Variants in HRH3 observed in about 807,000 individuals in gnomAD.
HRH3 encodes the protein histamine H3 receptor.
In HRH3, 13 loss-of-function variants were observed where a neutral mutation model predicts 21.6. The ratio of observed to expected loss-of-function variants is 0.60; its 90% CI spans 0.39 to 0.96. HRH3 has a LOEUF of 0.96. Among genes scored for constraint, HRH3 ranks in the 40% least tolerant of loss-of-function variants. HRH3 has a pLI of 0.00. For missense variants in HRH3, 461 were observed against 622.7 expected (o/e 0.74, Z 2.76); for synonymous variants, 276 against 290.3 (o/e 0.95, Z 0.50).
chr20:62,215,643 G>A lies in HRH3; in HGVS notation c.*363C>T. 5 of 394,298 alleles carry A rather than the reference G, an allele frequency of 1.3e-5. No individual in the cohort carries two copies. The highest frequency in any genetic ancestry group is 1.1e-4 in the South Asian group (5 of 47,330). The allele number at this position is 394,298 out of a possible 1,614,324, so 24.4% of individuals were successfully genotyped here. ...GCACGTGCAGAGGCAAACTGCTAGG[G>A]CAGGAAGCCTGGAGCACACCCAGGT... On this transcript the variant is annotated 3_prime_UTR_variant, in exon 3 of 3. Transcript: ENST00000340177.
Position 62,218,621 on chromosome 20 carries a change from A to C in HRH3, c.287T>G (p.Leu96Arg). The C allele has an allele frequency of 6.2e-7, 1 of 1,612,362 alleles. No individual in the cohort carries two copies. The highest frequency in any genetic ancestry group is 8.5e-7 in the Non-Finnish European group (1 of 1,179,904). The part of the protein sequence containing the change: ...FCIPLYVPYV[L>R]TGRWTFGRGL... ...CCGGCCGAAGGTCCAGCGGCCTGTC[A>C]GCACGTAGGGTACATACAGTGGGAT... The change falls in exon 2 of 3, where the codon CTG becomes CGG. Residue 96 changes from leucine to arginine, a missense_variant. Transcript: ENST00000340177. The surrounding 1 kb of genome is among the most constrained non-coding windows in gnomAD (Gnocchi z 5.6).
At position 62,215,769 on chromosome 20, in the gene HRH3, G is replaced by A. The variant is rs1978509053; in HGVS notation, c.*237C>T. 1.8e-6 allele frequency: 1 copy of A among 568,510 alleles called. No individual in the cohort carries two copies. The highest frequency in any genetic ancestry group is 2.2e-5 in the South Asian group (1 of 46,000). 35.2% of individuals were successfully genotyped at this position (568,510 alleles called of 1,614,324 possible). A position where few individuals can be genotyped will look rare whatever the true frequency, so the allele number is the denominator to read the frequency against. Reference sequence around the variant, plus strand: ...CCTCCAGACTGTCCCTCCCGGTGGAGCCAGAATGTGGGGGGCAGGGCCGGC... The same window carrying A: ...CCTCCAGACTGTCCCTCCCGGTGGAACCAGAATGTGGGGGGCAGGGCCGGC... On this transcript the variant is annotated 3_prime_UTR_variant, in exon 3 of 3. Coordinates refer to ENST00000340177, the MANE Select transcript of HRH3 (RefSeq NM_007232.3).
At position 62,219,684 on chromosome 20, in the gene HRH3, C is replaced by A. The variant is rs767376497; in HGVS notation, c.250+37G>T. On this transcript the variant is annotated intron_variant, in intron 1 of 2. Transcript: ENST00000340177. This position sits in a 1 kb window ranked among gnomAD's most constrained non-coding sequence, Gnocchi z 8.7. The stretch of plus-strand genomic sequence containing the variant: ...CCCGCTGGCCCGGCCACGCTGGGCG[C>A]CCCTGGGTCCCCAGCGGCCAGGGGC... The A allele has an allele frequency of 6.3e-7, 1 of 1,575,692 alleles. No individual in the cohort carries two copies. Among genetic ancestry groups the A allele is most frequent in the Non-Finnish European group, 8.6e-7 (1 of 1,160,438 alleles).
Position 62,218,429 on chromosome 20 carries a change from C to G in HRH3, c.417+62G>C. 1 of 1,555,018 alleles carries G rather than the reference C, an allele frequency of 6.4e-7. No individual in the cohort carries two copies. The highest frequency in any genetic ancestry group is 1.2e-5 in the South Asian group (1 of 86,394). ...GAAGTGGCCGTCCCCACCCAGGTGCCTCCCATGGGCGTCCCGACTGTCCCT... is the reference window on the plus strand; with the variant it reads ...GAAGTGGCCGTCCCCACCCAGGTGCGTCCCATGGGCGTCCCGACTGTCCCT... On this transcript the variant is annotated intron_variant, in intron 2 of 2. Coordinates refer to ENST00000340177, the MANE Select transcript of HRH3 (RefSeq NM_007232.3). This position sits in a 1 kb window ranked among gnomAD's most constrained non-coding sequence, Gnocchi z 5.6.
rs1425444782 is a variant in HRH3 at position 62,219,487 on chromosome 20, G to A, written c.250+234C>T. 1.3e-5 allele frequency among the ~76,000 whole-genome samples: 2 copies of A among 152,138 alleles called. No individual in the cohort carries two copies. Among genetic ancestry groups the A allele is most frequent in the African/African-American group, 2.4e-5 (1 of 41,438 alleles). ...GCCTTTGCGCCTTGCGCCTCGCCCA[G>A]TGCCCGTGTCCCTTCCCGGGGACAT... On this transcript the variant is annotated intron_variant, in intron 1 of 2. Transcript: ENST00000340177. This position sits in a 1 kb window ranked among gnomAD's most constrained non-coding sequence, Gnocchi z 8.7.
Position 62,215,667 on chromosome 20 carries a change from G to A in HRH3, c.*339C>T, listed in dbSNP as rs1027348443. ...GGCAGGAAGCCTGGAGCACACCCAG[G>A]TGCTTGCTTTGGGAAGAACACCAAC... On this transcript the variant is annotated 3_prime_UTR_variant, in exon 3 of 3. Coordinates refer to ENST00000340177, the MANE Select transcript of HRH3 (RefSeq NM_007232.3). 2 of 417,470 alleles carry A rather than the reference G, an allele frequency of 4.8e-6. No individual in the cohort carries two copies. The highest frequency in any genetic ancestry group is 4.1e-5 in the African/African-American group (2 of 49,326). The allele number at this position is 417,470 out of a possible 1,614,324, so 25.9% of individuals were successfully genotyped here.
At position 62,220,023 on chromosome 20, in the gene HRH3, G is replaced by T. The variant is rs1233615673; in HGVS notation, c.-53C>A. ...ACGCGGGGCAGGGCGCCGGCCGAGA[G>T]CTGGGCGGCCGGGAGGGGCCCCGGC... On this transcript the variant is annotated 5_prime_UTR_variant, in exon 1 of 3. Coordinates refer to ENST00000340177, the MANE Select transcript of HRH3 (RefSeq NM_007232.3). 4.3e-5 allele frequency: 43 copies of T among 991,130 alleles called. No homozygotes were observed. The highest frequency in any genetic ancestry group is 5.3e-5 in the African/African-American group (3 of 56,976). The allele number at this position is 991,130 out of a possible 1,614,324, so 61.4% of individuals were successfully genotyped here.
rs200236073 is a variant in HRH3, at chr20:62,215,763, G to A, written c.*243C>T. The A allele has an allele frequency of 2.3e-5, 13 of 561,636 alleles. No individual in the cohort carries two copies. The highest frequency in any genetic ancestry group is 5.6e-5 in the African/African-American group (3 of 53,202). 34.8% of individuals were successfully genotyped at this position (561,636 alleles called of 1,614,324 possible). On this transcript the variant is annotated 3_prime_UTR_variant, in exon 3 of 3. Coordinates refer to ENST00000340177, the MANE Select transcript of HRH3 (RefSeq NM_007232.3). ...CTGGGACCTCCAGACTGTCCCTCCC[G>A]GTGGAGCCAGAATGTGGGGGGCAGG...
chr20:62,218,644 G>A lies in HRH3; in HGVS notation c.264C>T (p.Ile88=), dbSNP rs867597398. 6.2e-7 allele frequency: 1 copy of A among 1,611,906 alleles called. No homozygotes were observed. The highest frequency in any genetic ancestry group is 1.3e-5 in the African/African-American group (1 of 75,034). The part of the protein sequence containing the change: ...ISDFLVGAFC[I]PLYVPYVLTG... The stretch of plus-strand genomic sequence containing the variant: ...TCAGCACGTAGGGTACATACAGTGG[G>A]ATGCAGAAGGCGCCTGTGGGGAGTA... The change falls in exon 2 of 3, where the codon ATC becomes ATT. Residue 88 remains isoleucine (I), a synonymous_variant. Coordinates refer to ENST00000340177, the MANE Select transcript of HRH3 (RefSeq NM_007232.3). This position sits in a 1 kb window ranked among gnomAD's most constrained non-coding sequence, Gnocchi z 5.6.
rs958324172 is a variant in HRH3 at position 62,217,456 on chromosome 20, C to G, written c.418-530G>C. Among the ~76,000 whole-genome samples, 3 of 152,318 alleles carry G rather than the reference C, an allele frequency of 2.0e-5. No homozygotes were observed. In the East Asian group the frequency reaches 5.8e-4, roughly 29 times the overall value. On this transcript the variant is annotated intron_variant, in intron 2 of 2. Coordinates refer to ENST00000340177, the MANE Select transcript of HRH3 (RefSeq NM_007232.3). ...TGGCCCACTGCTGGGAGACATCCCCCGCCCCGCCACAGAACAAAGCATCCC... is the reference window on the plus strand; with the variant it reads ...TGGCCCACTGCTGGGAGACATCCCCGGCCCCGCCACAGAACAAAGCATCCC...
chr20:62,216,456 CCCA>C lies in HRH3; in HGVS notation c.885_887del (p.Gly298del). 3 of 1,540,014 alleles carry C rather than the reference CCCA, an allele frequency of 1.9e-6. No individual in the cohort carries two copies. The highest frequency in any genetic ancestry group is 2.6e-6 in the Non-Finnish European group (3 of 1,141,308). On this transcript the variant is annotated inframe_deletion, in exon 3 of 3. Transcript: ENST00000340177. ...AGGTGGGTGAAGCCACGGAGCCGCCCCCACCGCCACCCCCGAGGGTCGCCTCCC... is the reference window on the plus strand; with the variant it reads ...AGGTGGGTGAAGCCACGGAGCCGCCCCCGCCACCCCCGAGGGTCGCCTCCC...
At position 62,219,608 on chromosome 20, in the gene HRH3, C is replaced by G; in HGVS notation, c.250+113G>C. The G allele has an allele frequency of 7.4e-7, 1 of 1,357,620 alleles. No homozygotes were observed. Among genetic ancestry groups the G allele is most frequent in the Non-Finnish European group, 9.8e-7 (1 of 1,018,056 alleles). The allele number at this position is 1,357,620 out of a possible 1,614,324, so 84.1% of individuals were successfully genotyped here. On this transcript the variant is annotated intron_variant, in intron 1 of 2. Coordinates refer to ENST00000340177, the MANE Select transcript of HRH3 (RefSeq NM_007232.3). This position sits in a 1 kb window ranked among gnomAD's most constrained non-coding sequence, Gnocchi z 8.7. ...CGGACGCCCCCTTCCCAGGCCGGGT[C>G]CCCTGGTGGGGCGTGTGCCTGCGGG...
In HRH3 at chr20:62,219,699, C is replaced by T; in HGVS notation, c.250+22G>A. ...ACGCTGGGCGCCCCTGGGTCCCCAGCGGCCAGGGGCTGGGGATTTACCGAC... is the reference window on the plus strand; with the variant it reads ...ACGCTGGGCGCCCCTGGGTCCCCAGTGGCCAGGGGCTGGGGATTTACCGAC... On this transcript the variant is annotated intron_variant, in intron 1 of 2. Coordinates refer to ENST00000340177, the MANE Select transcript of HRH3 (RefSeq NM_007232.3). This position sits in a 1 kb window ranked among gnomAD's most constrained non-coding sequence, Gnocchi z 8.7. The T allele has an allele frequency of 6.3e-7, 1 of 1,582,972 alleles. No homozygotes were observed. The highest frequency in any genetic ancestry group is 8.6e-7 in the Non-Finnish European group (1 of 1,164,092).
intron 2 of HRH3, among the ~76,000 whole-genome samples, chr20:62,217,786 T>C (rs1978640215): frequency 6.6e-6 from 1 of 152,160 alleles, no homozygotes; most frequent in Admixed American, 6.5e-5. Context: ...CAGCTCTCCT[T>C]GTGCCCCATG....
chr20:62,218,658 CTG>C lies in HRH3; in HGVS notation c.251-3_251-2del. 1 of 1,611,260 alleles carries C rather than the reference CTG, an allele frequency of 6.2e-7. No homozygotes were observed. The highest frequency in any genetic ancestry group is 1.1e-5 in the South Asian group (1 of 91,030). On this transcript the variant is annotated splice_acceptor_variant and splice_polypyrimidine_tract_variant and intron_variant, in intron 1 of 2. Transcript: ENST00000340177. LOFTEE classifies it high-confidence loss of function. This position sits in a 1 kb window ranked among gnomAD's most constrained non-coding sequence, Gnocchi z 5.6. ...ACATACAGTGGGATGCAGAAGGCGC[CTG>C]TGGGGAGTAGGGCCACAGTGGGACC...
rs1433341142 is a variant in HRH3, at chr20:62,219,492, C to T, written c.250+229G>A. ...TGCGCCTTGCGCCTCGCCCAGTGCC[C>T]GTGTCCCTTCCCGGGGACATCTCTC... On this transcript the variant is annotated intron_variant, in intron 1 of 2. Coordinates refer to ENST00000340177, the MANE Select transcript of HRH3 (RefSeq NM_007232.3). This position sits in a 1 kb window ranked among gnomAD's most constrained non-coding sequence, Gnocchi z 8.7. 6.6e-6 allele frequency among the ~76,000 whole-genome samples: 1 copy of T among 152,154 alleles called. No individual in the cohort carries two copies. The highest frequency in any genetic ancestry group is 1.5e-5 in the Non-Finnish European group (1 of 68,026).
Position 62,219,988 on chromosome 20 carries a change from C to T in HRH3, c.-18G>A. 1 of 1,009,586 alleles carries T rather than the reference C, an allele frequency of 9.9e-7. No individual in the cohort carries two copies. The highest frequency in any genetic ancestry group is 1.2e-6 in the Non-Finnish European group (1 of 848,334). The allele number at this position is 1,009,586 out of a possible 1,614,324, so 62.5% of individuals were successfully genotyped here. A position where few individuals can be genotyped will look rare whatever the true frequency, so the allele number is the denominator to read the frequency against. ...CGCTCCATGGCCCCGCAGGCTCACG[C>T]GGCTCCGGGACGCGGGGCAGGGCGC... On this transcript the variant is annotated 5_prime_UTR_variant, in exon 1 of 3. Coordinates refer to ENST00000340177, the MANE Select transcript of HRH3 (RefSeq NM_007232.3). This position sits in a 1 kb window ranked among gnomAD's most constrained non-coding sequence, Gnocchi z 8.7.
At chr20:62,216,956 G>T in intron 2 of HRH3, 30 bp from the exon 3 acceptor site, 19 of 1,559,518 alleles carry the variant, frequency 1.2e-5, no homozygotes, top group Non-Finnish European at 1.6e-5. Flanking sequence ...TCAGGGGCGG[G>T]GCGGAAGGAA....
At chr20:62,217,448 A>C (rs1249432070) in intron 2 of HRH3, among the ~76,000 whole-genome samples, 2 of 152,184 alleles carry the variant, frequency 1.3e-5, no homozygotes, top group Non-Finnish European at 2.9e-5. Flanking sequence ...CTGCTGGGAG[A>C]CATCCCCCGC....
Sources: allele counts gnomAD v4.1 joint callset (sites outside exome capture counted in the v4.1 genomes callset), GRCh38; gene constraint gnomAD v4.1.1; non-coding constraint Gnocchi (gnomAD v3.1); transcripts MANE v1.5; gene names NCBI Gene and HGNC (gene_info 2026-07-23, HGNC 2026-07-21).